The following PLXNA4 variants were observed in gnomAD, a reference collection of about 807,000 sequenced individuals.
The protein encoded by PLXNA4 is plexin A4.
In PLXNA4, 44 loss-of-function variants were observed where a neutral mutation model predicts 191.8. That is an observed-to-expected ratio of 0.23 (90% CI 0.18 to 0.29). The LOEUF (loss-of-function observed/expected upper bound fraction) is 0.29. Ranked by LOEUF, PLXNA4 falls within the 10% of genes least tolerant of loss-of-function variation. PLXNA4 has a pLI of 1.00. For missense variants in PLXNA4, 1,800 were observed against 2,488.8 expected (o/e 0.72, Z 5.89); for synonymous variants, 1,082 against 1,009.5 (o/e 1.07, Z -1.36).
At chr7:132,520,484 C>T (rs1799133302) in intron 1 of PLXNA4, among the ~76,000 whole-genome samples, 1 of 152,196 alleles carries the variant, frequency 6.6e-6, no homozygotes, top group South Asian at 2.1e-4. Flanking sequence ...CACCCAAGGG[C>T]TTAATTTAGA....
chr7:132,554,148 C>T (rs185609451), intron 1 of PLXNA4, among the ~76,000 whole-genome samples: 1 of 152,316 alleles, frequency 6.6e-6, no homozygotes. Context: ...TCAGGACACA[C>T]ACTCAAGCAA....
chr7:132,533,502 G>A (rs1414685291), intron 1 of PLXNA4, among the ~76,000 whole-genome samples: 2 of 152,166 alleles, frequency 1.3e-5, no homozygotes, highest in Admixed American at 1.3e-4. Context: ...AATAATTCAA[G>A]GATTCCCATC....
intron 2 of PLXNA4, among the ~76,000 whole-genome samples, chr7:132,604,678 G>A (rs976852699): frequency 6.6e-6 from 1 of 151,758 alleles, no homozygotes; most frequent in Non-Finnish European, 1.5e-5. Context: ...TTACTTACTG[G>A]GACATCTTCC....
At chr7:132,138,928 CTA>C (rs1795188954) in intron 30 of PLXNA4, among the ~76,000 whole-genome samples, 2 of 152,220 alleles carry the variant, frequency 1.3e-5, no homozygotes, top group South Asian at 4.1e-4. Flanking sequence ...GCCTGGGGCA[CTA>C]TCACAATGAC....
Position 132,125,386 on chromosome 7 carries a change from T to A in PLXNA4, c.*5093A>T, listed in dbSNP as rs1794740564. ...GATGCCACCCCTAGCATTGTCCTCA[T>A]CCAGGGAATGTCCTGACCCATTTTT... On this transcript the variant is annotated 3_prime_UTR_variant, in exon 32 of 32. Coordinates refer to ENST00000321063, the MANE Select transcript of PLXNA4 (RefSeq NM_020911.2). 1 of 151,436 alleles carries A rather than the reference T, an allele frequency of 6.6e-6. No individual in the cohort carries two copies. The highest frequency in any genetic ancestry group is 6.6e-5 in the Admixed American group (1 of 15,200). 9.4% of individuals were successfully genotyped at this position (151,436 alleles called of 1,614,324 possible).
chr7:132,624,793 G>A (rs940138247), intron 2 of PLXNA4, among the ~76,000 whole-genome samples: 7 of 152,028 alleles, frequency 4.6e-5, no homozygotes, highest in Admixed American at 2.0e-4. Flanking sequence ...CACCTGCCAC[G>A]ACCTTTAGAA....
At chr7:132,616,365 G>A (rs1803157299) in intron 2 of PLXNA4, among the ~76,000 whole-genome samples, 1 of 152,154 alleles carries the variant, frequency 6.6e-6, no homozygotes, top group African/African-American at 2.4e-5. Context: ...CTTCTGCAAA[G>A]GGAATCATAA....
intron 3 of PLXNA4, among the ~76,000 whole-genome samples, chr7:132,410,998 G>A (rs141652172): frequency 5.3e-5 from 8 of 152,274 alleles, no homozygotes; most frequent in African/African-American, 1.7e-4. Context: ...CCATCATCCC[G>A]ATTACGTTTG....
chr7:132,558,668 A>G (rs1008103830), intron 1 of PLXNA4, among the ~76,000 whole-genome samples: 1 of 152,202 alleles, frequency 6.6e-6, no homozygotes, highest in Non-Finnish European at 1.5e-5. Context: ...CACACCCCCA[A>G]CAATCGGCCT....
At chr7:132,419,091 A>G (rs1794760829) in intron 3 of PLXNA4, among the ~76,000 whole-genome samples, 2 of 152,178 alleles carry the variant, frequency 1.3e-5, no homozygotes, top group South Asian at 2.1e-4. Flanking sequence ...TGGTCCTGGG[A>G]CTTGCTTCTT....
intron 3 of PLXNA4, among the ~76,000 whole-genome samples, chr7:132,434,873 C>T (rs1484929789): frequency 1.3e-5 from 2 of 150,376 alleles, no homozygotes; most frequent in Non-Finnish European, 2.9e-5. Flanking sequence ...CAGGGATTTA[C>T]CAAAGTCCCC....
chr7:132,645,014 G>T (rs954855623), intron 2 of PLXNA4, among the ~76,000 whole-genome samples: 3 of 152,330 alleles, frequency 2.0e-5, no homozygotes, highest in African/African-American at 7.2e-5. Context: ...ACACCCAGTG[G>T]CTCTGGGTCA....
chr7:132,227,448 C>T lies in PLXNA4; in HGVS notation c.1882+3G>A. ...CACTCAGCTGTGCCTCCGGGATGCT[C>T]ACCATTCTCTGTGATGATCCGGGGC... is the stretch of plus-strand genomic sequence containing the variant. On this transcript the variant is annotated splice_donor_region_variant and intron_variant, in intron 7 of 31. Coordinates refer to ENST00000321063, the MANE Select transcript of PLXNA4 (RefSeq NM_020911.2). 1 of 1,614,172 alleles carries T rather than the reference C, an allele frequency of 6.2e-7. No homozygotes were observed. Among genetic ancestry groups the T allele is most frequent in the Non-Finnish European group, 8.5e-7 (1 of 1,180,020 alleles).
rs927411884 is a variant in PLXNA4 at position 132,322,303 on chromosome 7, T to C, written c.1372-24081A>G. 2.0e-5 allele frequency among the ~76,000 whole-genome samples: 3 copies of C among 151,708 alleles called. No homozygotes were observed. The East Asian group carries it at 5.8e-4, about 30-fold the overall frequency. On this transcript the variant is annotated intron_variant, in intron 3 of 31. Coordinates refer to ENST00000321063, the MANE Select transcript of PLXNA4 (RefSeq NM_020911.2). The stretch of plus-strand genomic sequence containing the variant: ...TTCAAGCGATTCTTGTGCCTCTGCC[T>C]CCCAAGTAGCTGAGATTACAGGCAT...
intron 3 of PLXNA4, among the ~76,000 whole-genome samples, chr7:132,444,408 C>A (rs1406068697): frequency 1.3e-5 from 2 of 152,224 alleles, no homozygotes; most frequent in Non-Finnish European, 2.9e-5. Context: ...GCATGTGCCA[C>A]CATGCCCAGC....
intron 3 of PLXNA4, among the ~76,000 whole-genome samples, chr7:132,474,214 T>TCA (rs56832356): frequency 0.021 from 2,994 of 140,260 alleles, 39 homozygotes; most frequent in African/African-American, 0.041. Flanking sequence ...TCTCTCTGTC[T>TCA]CACACACACA....
chr7:132,625,867 C>G (rs1340794871), intron 2 of PLXNA4, among the ~76,000 whole-genome samples: 1 of 152,170 alleles, frequency 6.6e-6, no homozygotes, highest in African/African-American at 2.4e-5. Flanking sequence ...AGACAAAAAT[C>G]CTGCTCTCAC....
chr7:132,532,415 T>C (rs1329815001), intron 1 of PLXNA4, among the ~76,000 whole-genome samples: 1 of 152,226 alleles, frequency 6.6e-6, no homozygotes, highest in East Asian at 1.9e-4. Flanking sequence ...AATGCGTTGA[T>C]GCAGTTGGGA....
At chr7:132,478,574 T>C (rs1797215902) in intron 3 of PLXNA4, among the ~76,000 whole-genome samples, 2 of 152,220 alleles carry the variant, frequency 1.3e-5, no homozygotes, top group African/African-American at 4.8e-5. Context: ...AAAGGTAGAC[T>C]GAAGATATCT....
Sources: allele counts gnomAD v4.1 joint callset (sites outside exome capture counted in the v4.1 genomes callset), GRCh38; gene constraint gnomAD v4.1.1; transcripts MANE v1.5; gene names NCBI Gene and HGNC (gene_info 2026-07-23, HGNC 2026-07-21).